Variants in TNKS1BP1 observed in about 807,000 individuals in gnomAD.
TNKS1BP1 encodes 182 kDa tankyrase-1-binding protein.
In TNKS1BP1, 48 loss-of-function variants were observed where a neutral mutation model predicts 141.1. The ratio of observed to expected loss-of-function variants is 0.34; its 90% confidence interval spans 0.27 to 0.43. The LOEUF (loss-of-function observed/expected upper bound fraction) is 0.43, where lower values mean the gene tolerates loss of function less well. Ranked by LOEUF, TNKS1BP1 falls within the 20% of genes least tolerant of loss-of-function variation. The probability of loss-of-function intolerance (pLI) is 1.00; values close to 1 mark genes in which losing one functional copy is unlikely to be tolerated. For synonymous variants in TNKS1BP1, 875 were observed against 898.2 expected (o/e 0.97, Z 0.46); for missense variants, 2,149 against 2,226.0 (o/e 0.97, Z 0.70).
At chr11:57,301,713 G>T (rs1855526774) in intron 9 of TNKS1BP1, 94 bp downstream of exon 9, 1 of 1,499,736 alleles carries the variant, frequency 6.7e-7, no homozygotes, top group Admixed American at 1.9e-5. Context: ...GGGGGACAGG[G>T]GAATGAATTG....
rs35985668 is a variant in TNKS1BP1, at chr11:57,319,767, C to CAA, written c.728+310_728+311dup. 1.2e-3 allele frequency among the ~76,000 whole-genome samples: 120 copies of CAA among 102,800 alleles called. 2 individuals carry two copies. The highest frequency in any genetic ancestry group is 0.011 in the Middle Eastern group (2 of 190). 67.4% of individuals were successfully genotyped at this position (102,800 alleles called of 152,430 possible). ...GGGTGACAAGAGCAAAACACCATCT[C>CAA]AAAAAAAAAAAAAAAAAAAGTCTAT... is the stretch of plus-strand genomic sequence containing the variant. On this transcript the variant is annotated intron_variant, in intron 3 of 11. Coordinates refer to ENST00000358252, the MANE Select transcript of TNKS1BP1 (RefSeq NM_033396.3).
chr11:57,312,424 C>G, intron 5 of TNKS1BP1, 110 bp downstream of exon 5: 2 of 1,277,806 alleles, frequency 1.6e-6, no homozygotes, highest in East Asian at 5.3e-5. Context: ...GCCTTGCTCA[C>G]TACCACAGCC....
chr11:57,310,569 AAAAAAAACAGAC>A lies in TNKS1BP1; in HGVS notation c.2155-25_2155-14del, dbSNP rs1428395045. On this transcript the variant is annotated splice_polypyrimidine_tract_variant and intron_variant, in intron 5 of 11. Coordinates refer to ENST00000358252, the MANE Select transcript of TNKS1BP1 (RefSeq NM_033396.3). ...AGCCAAGGAGTCCCTGGGAATAAGA[AAAAAAAACAGAC>A]AAAGAAACAACGATTAGATTCCATC... The A allele has an allele frequency of 6.3e-7, 1 of 1,585,248 alleles. No homozygotes were observed. Among genetic ancestry groups the A allele is most frequent in the East Asian group, 2.2e-5 (1 of 44,698 alleles).
chr11:57,308,303 A>G (rs1246066251), intron 6 of TNKS1BP1, 92 bp downstream of exon 6: 32 of 1,498,130 alleles, frequency 2.1e-5, no homozygotes, highest in Non-Finnish European at 2.9e-5. Context: ...TCCTCAGGAA[A>G]AACTGTTTCT....
intron 1 of TNKS1BP1, among the ~76,000 whole-genome samples, chr11:57,322,794 C>T (rs1017733626): frequency 6.6e-6 from 1 of 152,154 alleles, no homozygotes; most frequent in Non-Finnish European, 1.5e-5. Context: ...TGGGGCTCCA[C>T]CTTCCACGAC....
chr11:57,312,270 C>T (rs553077994), intron 5 of TNKS1BP1, among the ~76,000 whole-genome samples: 3 of 152,222 alleles, frequency 2.0e-5, no homozygotes, highest in Non-Finnish European at 4.4e-5. Flanking sequence ...CAGGAAAGCA[C>T]TCTGAAGCCC....
At chr11:57,304,230 G>A (rs948815247) in intron 6 of TNKS1BP1, among the ~76,000 whole-genome samples, 6 of 152,136 alleles carry the variant, frequency 3.9e-5, no homozygotes, top group African/African-American at 1.4e-4. Context: ...GATTAAAGCA[G>A]GAGGAGAGTG....
intron 4 of TNKS1BP1, among the ~76,000 whole-genome samples, chr11:57,315,890 C>T (rs1855792057): frequency 1.3e-5 from 2 of 151,592 alleles, no homozygotes; most frequent in Admixed American, 1.3e-4. Flanking sequence ...TTTTTTTTTC[C>T]CTCTCTACTG....
intron 5 of TNKS1BP1, chr11:57,311,489 G>A (rs1565042488): frequency 1.0e-6 from 1 of 985,450 alleles, no homozygotes; most frequent in Non-Finnish European, 1.2e-6. Context: ...CCTCACCCTG[G>A]CCCTGCTCCC....
chr11:57,305,308 T>C (rs932401200), intron 6 of TNKS1BP1, among the ~76,000 whole-genome samples: 2 of 152,258 alleles, frequency 1.3e-5, no homozygotes, highest in African/African-American at 4.8e-5. Context: ...GGCAGAAATA[T>C]GTGCCTAACA....
Position 57,320,643 on chromosome 11 carries a change from G to A in TNKS1BP1, c.164C>T (p.Ala55Val). Residue 55 changes from alanine to valine, a missense_variant, in exon 3 of 12, where the codon GCC becomes GTC. Transcript: ENST00000358252. ...AACAGGCACCAGCAGGCTGGGTTTG[G>A]CAGGCAGGGCTGGCTTGGCAGGCAG... The part of the protein sequence containing the change: ...RALPAKPALP[A>V]KPSLLVPVGP... 1 of 1,611,408 alleles carries A rather than the reference G, an allele frequency of 6.2e-7. No individual in the cohort carries two copies. The highest frequency in any genetic ancestry group is 8.5e-7 in the Non-Finnish European group (1 of 1,178,424).
rs1346646055 is a variant in TNKS1BP1 at position 57,313,690 on chromosome 11, G to A, written c.998C>T (p.Ala333Val). Reference sequence around the variant, plus strand: ...TGCACTTGGAGCTGATGGAGTCACAGCGGGGCAGGGAGAAGCCTGGGAAGC... The same window carrying A: ...TGCACTTGGAGCTGATGGAGTCACAACGGGGCAGGGAGAAGCCTGGGAAGC... The part of the protein sequence containing the change: ...PEASQASPCP[A>V]VTPSAPSAAL... Residue 333 changes from alanine (A) to valine (V), a missense_variant, in exon 5 of 12, where the codon GCT becomes GTT. Coordinates refer to ENST00000358252, the MANE Select transcript of TNKS1BP1 (RefSeq NM_033396.3). The A allele has an allele frequency of 1.9e-6, 3 of 1,576,876 alleles. No homozygotes were observed. The African/African-American group carries it at 4.0e-5, about 21-fold the overall frequency.
intron 4 of TNKS1BP1, among the ~76,000 whole-genome samples, chr11:57,314,294 C>T (rs1470444547): frequency 1.3e-5 from 2 of 152,134 alleles, no homozygotes; most frequent in Non-Finnish European, 2.9e-5. Context: ...ATGTGGGAGT[C>T]GTGAGGGGAG....
At chr11:57,314,307 A>G (rs181297084) in intron 4 of TNKS1BP1, among the ~76,000 whole-genome samples, 214 of 152,178 alleles carry the variant, frequency 1.4e-3, no homozygotes, top group African/African-American at 4.9e-3. Flanking sequence ...GAGGGGAGAG[A>G]GGGTTTCGCG....
chr11:57,318,819 T>C (rs915328273), intron 3 of TNKS1BP1, among the ~76,000 whole-genome samples: 10 of 152,184 alleles, frequency 6.6e-5, no homozygotes, highest in Non-Finnish European at 1.3e-4. Context: ...AGCCAAAATC[T>C]CTGTGCAGAC....
chr11:57,315,025 G>C (rs542168438), intron 4 of TNKS1BP1, among the ~76,000 whole-genome samples: 1 of 151,928 alleles, frequency 6.6e-6, no homozygotes, highest in African/African-American at 2.4e-5. Flanking sequence ...AACCATAACC[G>C]CTGCATCACT....
At chr11:57,318,438 G>GACTA (rs2134371290) in intron 3 of TNKS1BP1, among the ~76,000 whole-genome samples, 1 of 152,338 alleles carries the variant, frequency 6.6e-6, no homozygotes, top group African/African-American at 2.4e-5. Context: ...ACAGGCAAAG[G>GACTA]ACTAGCTCTG....
Position 57,309,776 on chromosome 11 carries a change from T to C in TNKS1BP1, c.2935A>G (p.Thr979Ala), listed in dbSNP as rs535758415. Reference protein sequence around the residue: ...TLDAQDRSFGTRPLSSGFSPE... With the variant: ...TLDAQDRSFGARPLSSGFSPE... Reference sequence around the variant, plus strand: ...CTGAACCCAGAGCTCAGGGGTCTCGTTCCAAAGCTTCTGTCCTGGGCGTCA... The same window carrying C: ...CTGAACCCAGAGCTCAGGGGTCTCGCTCCAAAGCTTCTGTCCTGGGCGTCA... Residue 979 changes from threonine to alanine, a missense_variant, in exon 6 of 12, where the codon ACG becomes GCG. By Grantham distance (58) the Thr-to-Ala change is moderately conservative. Transcript: ENST00000358252. This position sits in a 1 kb window ranked among gnomAD's most constrained non-coding sequence, Gnocchi z 4.3. The C allele has an allele frequency of 6.2e-7, 1 of 1,614,158 alleles. No homozygotes were observed. The highest frequency in any genetic ancestry group is 1.7e-5 in the Admixed American group (1 of 60,026).
intron 10 of TNKS1BP1, 44 bp from the exon 11 acceptor site, chr11:57,300,644 A>C: frequency 1.9e-6 from 3 of 1,611,346 alleles, no homozygotes; most frequent in South Asian, 2.2e-5. Flanking sequence ...ACTTTGAGGA[A>C]ACTGAACACA....
Sources: allele counts gnomAD v4.1 joint callset (sites outside exome capture counted in the v4.1 genomes callset), GRCh38; gene constraint gnomAD v4.1.1; non-coding constraint Gnocchi (gnomAD v3.1); transcripts MANE v1.5; gene names NCBI Gene and HGNC (gene_info 2026-07-23, HGNC 2026-07-21).